Variants in MGA observed in about 807,000 individuals in gnomAD.
MGA encodes the protein MAX dimerization protein MGA, also known as MAX gene-associated protein.
In MGA, 40 loss-of-function variants were observed where a neutral mutation model predicts 261.1. The observed-to-expected ratio is 0.15, with a 90% CI of 0.12 to 0.20. The LOEUF (loss-of-function observed/expected upper bound fraction) is 0.20. MGA is among the 10% of genes least tolerant of loss of function. The pLI is 1.00. For missense variants in MGA, 3,397 were observed against 3,630.5 expected, an observed-to-expected ratio of 0.94 and a Z score of 1.65; for synonymous variants, 1,302 against 1,290.6, an observed-to-expected ratio of 1.01 and a Z score of -0.19.
chr15:41,669,807 G>A lies in MGA; in HGVS notation c.913G>A (p.Gly305Ser), dbSNP rs760848313. Reference sequence around the variant, plus strand: ...AGGTCAGGGGTCAGAGATACAACCAGGTGATTTGGATCCTTTGTCAAGGGG... The same window carrying A: ...AGGTCAGGGGTCAGAGATACAACCAAGTGATTTGGATCCTTTGTCAAGGGG... The change falls in exon 2 of 24, where the codon GGT (glycine) becomes AGT (serine). Residue 305 changes from glycine to serine, a missense_variant. By Grantham distance (56) the Gly-to-Ser change is moderately conservative. Around this residue, in one of 9 missense-constraint regions of MGA, gnomAD observed 563 missense variants for 563.6 expected, o/e 1.00. Coordinates refer to ENST00000219905, the MANE Select transcript of MGA (RefSeq NM_001164273.2). 1 of 1,613,880 alleles carries A rather than the reference G, an allele frequency of 6.2e-7. No individual in the cohort carries two copies.
intron 1 of MGA, among the ~76,000 whole-genome samples, chr15:41,651,084 A>C (rs966596316): frequency 6.6e-6 from 1 of 152,010 alleles, no homozygotes; most frequent in African/African-American, 2.4e-5. Flanking sequence ...ATAGAGGGGG[A>C]CACCGGGGCA....
At chr15:41,732,700 G>C (rs2061572680) in intron 11 of MGA, among the ~76,000 whole-genome samples, 2 of 152,096 alleles carry the variant, frequency 1.3e-5, no homozygotes, top group African/African-American at 2.4e-5. Context: ...CATGTGCCTG[G>C]TACATTATAA....
chr15:41,764,797 G>C, intron 22 of MGA, 89 bp from the exon 23 acceptor site: 1 of 1,329,998 alleles, frequency 7.5e-7, no homozygotes, highest in Non-Finnish European at 1.1e-6. Context: ...GCCTGCCTCA[G>C]CCTCCCAAAG....
Position 41,736,522 on chromosome 15 carries a change from C to G in MGA, c.4258C>G (p.Pro1420Ala), listed in dbSNP as rs779003330. ...ATCTGGATCAGAGACTCCTGATGGT[C>G]CATTGTCCCCTGGGAAAATGGAGGA... Residue 1420 changes from proline (P) to alanine (A), a missense_variant, in exon 13 of 24, where the codon CCA (proline) becomes GCA (alanine). Pro to Ala is a conservative substitution (Grantham distance 27). Transcript: ENST00000219905. 6.2e-7 allele frequency: 1 copy of G among 1,614,004 alleles called. No homozygotes were observed. The highest frequency in any genetic ancestry group is 1.1e-5 in the South Asian group (1 of 91,086).
At chr15:41,739,844 A>G in intron 13 of MGA, 62 bp from the exon 14 acceptor site, 1 of 1,516,164 alleles carries the variant, frequency 6.6e-7, no homozygotes, top group Non-Finnish European at 9.0e-7. Flanking sequence ...GCCCCTGTCA[A>G]GGGAGAGGAG....
At chr15:41,700,717 T>C (rs913886254) in intron 5 of MGA, among the ~76,000 whole-genome samples, 5 of 152,176 alleles carry the variant, frequency 3.3e-5, no homozygotes, top group Admixed American at 3.3e-4. Context: ...AATTTTCCTG[T>C]TTTGGGGTGT....
upstream of MGA, among the ~76,000 whole-genome samples, chr15:41,655,673 C>A (rs2057151550): frequency 6.6e-6 from 1 of 152,138 alleles, no homozygotes; most frequent in African/African-American, 2.4e-5. Flanking sequence ...AGTCAATGGG[C>A]AGTCAATAAG....
intron 2 of MGA, among the ~76,000 whole-genome samples, chr15:41,679,387 A>G (rs1479718056): frequency 1.3e-5 from 2 of 152,170 alleles, no homozygotes; most frequent in Admixed American, 6.5e-5. Context: ...TGGGATTTTG[A>G]TAAGGATTTT....
intron 1 of MGA, among the ~76,000 whole-genome samples, chr15:41,663,307 T>TA (rs565949204): frequency 2.5e-3 from 381 of 150,282 alleles, no homozygotes; most frequent in African/African-American, 7.6e-3. Context: ...TTTATCTAGA[T>TA]AAAAAAAAAA....
chr15:41,667,769 G>T (rs1359887483), intron 1 of MGA, among the ~76,000 whole-genome samples: 1 of 151,938 alleles, frequency 6.6e-6, no homozygotes, highest in Non-Finnish European at 1.5e-5. Context: ...AAATGATTTT[G>T]CCAGATTAAA....
chr15:41,658,908 A>G (rs898424029), upstream of MGA, among the ~76,000 whole-genome samples: 2 of 152,054 alleles, frequency 1.3e-5, no homozygotes, highest in African/African-American at 4.8e-5. Flanking sequence ...TTATGATCAT[A>G]TATTTTAATG....
chr15:41,700,914 A>AT (rs2059818426), intron 5 of MGA, among the ~76,000 whole-genome samples: 1 of 152,232 alleles, frequency 6.6e-6, no homozygotes, highest in Non-Finnish European at 1.5e-5. Flanking sequence ...CAAACAAAAG[A>AT]TTTATATGCT....
chr15:41,668,347 T>C (rs2057873240), intron 1 of MGA, among the ~76,000 whole-genome samples: 1 of 152,136 alleles, frequency 6.6e-6, no homozygotes. Context: ...CTGAACCATA[T>C]GAAGAACTAA....
At chr15:41,764,064 C>G (rs1013382986) in intron 22 of MGA, among the ~76,000 whole-genome samples, 1 of 151,748 alleles carries the variant, frequency 6.6e-6, no homozygotes, top group African/African-American at 2.4e-5. Context: ...GAGGCTGAGG[C>G]AGGAGAATCA....
intron 2 of MGA, among the ~76,000 whole-genome samples, chr15:41,672,058 A>G (rs796867284): frequency 3.9e-5 from 6 of 152,358 alleles, no homozygotes; most frequent in African/African-American, 1.4e-4. Flanking sequence ...CTTGTTATCC[A>G]GAAACAGTTT....
At chr15:41,676,022 C>G (rs1203924057) in intron 2 of MGA, among the ~76,000 whole-genome samples, 1 of 152,158 alleles carries the variant, frequency 6.6e-6, no homozygotes, top group Non-Finnish European at 1.5e-5. Context: ...TTCAGCTTTT[C>G]CATGTGTGAC....
intron 1 of MGA, among the ~76,000 whole-genome samples, chr15:41,667,938 G>A (rs1332241653): frequency 6.6e-6 from 1 of 151,902 alleles, no homozygotes; most frequent in African/African-American, 2.4e-5. Context: ...TGAGTAGCTG[G>A]GACTACAGGC....
At chr15:41,712,369 G>A (rs971611327) in intron 8 of MGA, among the ~76,000 whole-genome samples, 5 of 151,900 alleles carry the variant, frequency 3.3e-5, no homozygotes, top group Admixed American at 2.0e-4. Flanking sequence ...GCACTACCAC[G>A]CCTGGCTAAT....
At chr15:41,671,843 G>A (rs1017736638) in intron 2 of MGA, among the ~76,000 whole-genome samples, 1 of 152,168 alleles carries the variant, frequency 6.6e-6, no homozygotes, top group African/African-American at 2.4e-5. Flanking sequence ...TGCAGCAGGA[G>A]GAAGTGCTGC....
Sources: allele counts gnomAD v4.1 joint callset (sites outside exome capture counted in the v4.1 genomes callset), GRCh38; gene constraint gnomAD v4.1.1; regional missense constraint gnomAD v4.1.1; transcripts MANE v1.5; gene names NCBI Gene and HGNC (gene_info 2026-07-23, HGNC 2026-07-21).